Variants in WDFY2 observed in about 807,000 individuals in gnomAD.
The protein encoded by WDFY2 is WD repeat and FYVE domain-containing protein 2.
WDFY2 carries 36 observed loss-of-function variants against 56.4 expected under a neutral mutation model. The ratio of observed to expected loss-of-function variants is 0.64; its 90% confidence interval spans 0.49 to 0.84. The LOEUF (loss-of-function observed/expected upper bound fraction) is 0.84, where lower values mean the gene tolerates loss of function less well. Ranked by LOEUF, WDFY2 falls within the 40% of genes least tolerant of loss-of-function variation. WDFY2 has a pLI of 0.00. For synonymous variants in WDFY2, 176 were observed against 183.7 expected (o/e 0.96, Z 0.34); for missense variants, 444 against 512.2 (o/e 0.87, Z 1.29).
intron 4 of WDFY2, among the ~76,000 whole-genome samples, chr13:51,710,822 A>G (rs554598555): frequency 1.3e-5 from 2 of 152,348 alleles, no homozygotes; most frequent in Admixed American, 6.5e-5. Context: ...TTCCATGCTC[A>G]TGGGTAGGAA....
At chr13:51,683,278 A>G (rs976538535) in intron 3 of WDFY2, among the ~76,000 whole-genome samples, 3 of 152,256 alleles carry the variant, frequency 2.0e-5, no homozygotes, top group African/African-American at 4.8e-5. Context: ...CCAGAGAGCC[A>G]TCTGTGGTCC....
chr13:51,591,216 A>G (rs552271838), intron 1 of WDFY2: 1 of 152,376 alleles, frequency 6.6e-6, no homozygotes, highest in South Asian at 2.1e-4. Flanking sequence ...AGTGGAGGAA[A>G]GCACGCATTA....
At chr13:51,658,755 A>G (rs1367923054) in intron 1 of WDFY2, among the ~76,000 whole-genome samples, 3 of 152,214 alleles carry the variant, frequency 2.0e-5, no homozygotes, top group South Asian at 2.1e-4. Context: ...TTTAATTCTT[A>G]TAAGTTATTT....
chr13:51,703,483 T>C (rs1383986260), intron 3 of WDFY2, 113 bp from the exon 4 acceptor site: 2 of 750,646 alleles, frequency 2.7e-6, no homozygotes, highest in African/African-American at 1.8e-5. Flanking sequence ...GGCAAAATAC[T>C]AATGTTGGAT....
intron 7 of WDFY2, among the ~76,000 whole-genome samples, chr13:51,748,154 C>T (rs569693503): frequency 1.3e-5 from 2 of 152,302 alleles, no homozygotes; most frequent in East Asian, 1.9e-4. Flanking sequence ...CCCATCACAA[C>T]GCCCCCTCCC....
In WDFY2 at chr13:51,586,159, G is replaced by T. The variant is rs1593840322; in HGVS notation, c.137+1335G>T. Reference sequence around the variant, plus strand: ...ACAGAGAAGCCTTATGAGAAAGTTTGATTTTTTCCATAAAGGCAAAATTTT... The same window carrying T: ...ACAGAGAAGCCTTATGAGAAAGTTTTATTTTTTCCATAAAGGCAAAATTTT... On this transcript the variant is annotated intron_variant, in intron 1 of 11. Transcript: ENST00000298125. The T allele has an allele frequency of 2.5e-5, 10 of 398,106 alleles. No homozygotes were observed. In the East Asian group the frequency reaches 2.9e-4, roughly 11 times the overall value. The allele number at this position is 398,106 out of a possible 1,614,324, so 24.7% of individuals were successfully genotyped here.
At chr13:51,600,390 T>C (rs748448911) in intron 1 of WDFY2, among the ~76,000 whole-genome samples, 3 of 152,192 alleles carry the variant, frequency 2.0e-5, no homozygotes, top group Non-Finnish European at 4.4e-5. Flanking sequence ...CTGGAGCACA[T>C]GGACAACCAG....
chr13:51,591,141 A>G (rs1954036343), intron 1 of WDFY2: 2 of 152,166 alleles, frequency 1.3e-5, no homozygotes, highest in Non-Finnish European at 2.9e-5. Flanking sequence ...TGACTCTTGT[A>G]CTGTGATGTG....
chr13:51,670,466 C>T (rs1593965958), intron 2 of WDFY2, among the ~76,000 whole-genome samples: 1 of 146,366 alleles, frequency 6.8e-6, no homozygotes, highest in African/African-American at 2.5e-5. Flanking sequence ...GAGCATTGTA[C>T]GTCTCACCTA....
intron 1 of WDFY2, among the ~76,000 whole-genome samples, chr13:51,593,333 A>C (rs1954086602): frequency 6.6e-6 from 1 of 151,946 alleles, no homozygotes; most frequent in Non-Finnish European, 1.5e-5. Context: ...CCTATTGTTT[A>C]TTTACATTAT....
intron 1 of WDFY2, among the ~76,000 whole-genome samples, chr13:51,643,146 A>G (rs2138408847): frequency 6.6e-6 from 1 of 152,284 alleles, no homozygotes; most frequent in Middle Eastern, 3.4e-3. Flanking sequence ...GTCATTAGGT[A>G]TAGTCACAGT....
chr13:51,693,410 A>G (rs1951789575), intron 3 of WDFY2, among the ~76,000 whole-genome samples: 5 of 151,904 alleles, frequency 3.3e-5, no homozygotes, highest in African/African-American at 1.2e-4. Context: ...TTCAAAGAAC[A>G]TCTTTATTTC....
chr13:51,660,883 GGAA>G (rs1175484164), intron 2 of WDFY2, among the ~76,000 whole-genome samples: 1 of 152,174 alleles, frequency 6.6e-6, no homozygotes, highest in Non-Finnish European at 1.5e-5. Flanking sequence ...TAAGATTAAT[GGAA>G]GAAGGACTAC....
chr13:51,626,896 G>A (rs1203937981), intron 1 of WDFY2, among the ~76,000 whole-genome samples: 1 of 152,226 alleles, frequency 6.6e-6, no homozygotes, highest in Non-Finnish European at 1.5e-5. Context: ...AGCAGGCTGT[G>A]CTTGGCTTGT....
chr13:51,611,466 A>G (rs946635369), intron 1 of WDFY2, among the ~76,000 whole-genome samples: 9 of 152,254 alleles, frequency 5.9e-5, no homozygotes, highest in African/African-American at 1.9e-4. Flanking sequence ...CAAATCTTAA[A>G]TGAATAATAA....
chr13:51,688,293 A>T (rs1287043150), intron 3 of WDFY2, among the ~76,000 whole-genome samples: 1 of 152,134 alleles, frequency 6.6e-6, no homozygotes, highest in Non-Finnish European at 1.5e-5. Flanking sequence ...TTTTGTGTTC[A>T]TGTAATGCGT....
intron 1 of WDFY2, among the ~76,000 whole-genome samples, chr13:51,659,991 G>A (rs1955580202): frequency 6.6e-6 from 1 of 152,122 alleles, no homozygotes; most frequent in Non-Finnish European, 1.5e-5. Context: ...TGCTTGGAAA[G>A]GCAAAACAAC....
chr13:51,629,006 T>C (rs1277755289), intron 1 of WDFY2, among the ~76,000 whole-genome samples: 1 of 152,200 alleles, frequency 6.6e-6, no homozygotes, highest in Non-Finnish European at 1.5e-5. Context: ...AGAGTTTGAA[T>C]AGATTATTTC....
At chr13:51,734,545 T>C (rs550844742) in intron 6 of WDFY2, among the ~76,000 whole-genome samples, 1 of 152,362 alleles carries the variant, frequency 6.6e-6, no homozygotes, top group East Asian at 1.9e-4. Flanking sequence ...GCGATTTTTT[T>C]ATTTTGATAA....
Sources: allele counts gnomAD v4.1 joint callset (sites outside exome capture counted in the v4.1 genomes callset), GRCh38; gene constraint gnomAD v4.1.1; transcripts MANE v1.5; gene names NCBI Gene and HGNC (gene_info 2026-07-23, HGNC 2026-07-21).